The following BRD4 variants were observed in gnomAD, a reference collection of about 807,000 sequenced individuals.
BRD4 encodes bromodomain-containing protein 4.
A neutral mutation model predicts 142.1 loss-of-function variants in BRD4; 16 were observed. That is an observed-to-expected ratio of 0.11 (90% CI 0.08 to 0.17). The LOEUF (loss-of-function observed/expected upper bound fraction) is 0.17. Among genes scored for constraint, BRD4 ranks in the 10% least tolerant of loss-of-function variants. BRD4 has a pLI of 1.00. For missense variants in BRD4, 1,424 were observed against 1,810.9 expected (o/e 0.79, Z 3.88); for synonymous variants, 833 against 707.5 (o/e 1.18, Z -2.82).
Position 15,237,521 on chromosome 19 carries a change from TGAG to T in BRD4, c.*853_*855del, listed in dbSNP as rs888529250. Reference sequence around the variant, plus strand: ...CAGCGCGGTGGCAGCCGCTGCTCAATGAGGAGACGATCACACCATTTCGGAGAT... The same window carrying T: ...CAGCGCGGTGGCAGCCGCTGCTCAATGAGACGATCACACCATTTCGGAGAT... On this transcript the variant is annotated 3_prime_UTR_variant, in exon 20 of 20. Transcript: ENST00000679869. The T allele has an allele frequency of 1.3e-5, 3 of 225,142 alleles. No homozygotes were observed. The highest frequency in any genetic ancestry group is 2.2e-5 in the African/African-American group (1 of 44,468). 13.9% of individuals were successfully genotyped at this position (225,142 alleles called of 1,614,324 possible).
intron 1 of BRD4, among the ~76,000 whole-genome samples, chr19:15,308,558 G>A (rs564928908): frequency 2.1e-4 from 31 of 150,998 alleles, no homozygotes; most frequent in African/African-American, 5.6e-4. Flanking sequence ...CTGCACTCCC[G>A]CCTGGGCAAC....
At chr19:15,307,382 A>T (rs2047923468) in intron 1 of BRD4, among the ~76,000 whole-genome samples, 1 of 152,168 alleles carries the variant, frequency 6.6e-6, no homozygotes, top group Admixed American at 6.5e-5. Flanking sequence ...AGGATCAAAG[A>T]TTAAGCAACC....
At chr19:15,310,679 G>A (rs1050596990) in intron 1 of BRD4, among the ~76,000 whole-genome samples, 10 of 150,978 alleles carry the variant, frequency 6.6e-5, no homozygotes, top group South Asian at 6.3e-4. Context: ...GTTTTTATTA[G>A]AGACGGGGTT....
chr19:15,254,329 G>T, intron 10 of BRD4, 67 bp from the exon 11 acceptor site: 1 of 1,323,086 alleles, frequency 7.6e-7, no homozygotes, highest in Non-Finnish European at 1.1e-6. Flanking sequence ...TAAGCCATGG[G>T]CACACCCCAT....
At chr19:15,267,978 CA>C (rs1044391452) in intron 3 of BRD4, among the ~76,000 whole-genome samples, 30 of 152,334 alleles carry the variant, frequency 2.0e-4, no homozygotes, top group African/African-American at 6.7e-4. Context: ...GGCAGCTCAC[CA>C]GGACTCTGGG....
intron 11 of BRD4, among the ~76,000 whole-genome samples, chr19:15,251,744 G>A (rs1229925412): frequency 6.6e-6 from 1 of 152,212 alleles, no homozygotes; most frequent in Non-Finnish European, 1.5e-5. Context: ...AACCCTCGCA[G>A]CGGCCCCTCC....
At chr19:15,287,461 T>C (rs1360679766) in intron 1 of BRD4, among the ~76,000 whole-genome samples, 1 of 152,160 alleles carries the variant, frequency 6.6e-6, no homozygotes, top group Non-Finnish European at 1.5e-5. Flanking sequence ...CTCAGGCTGG[T>C]CTCAAACTCC....
intron 1 of BRD4, among the ~76,000 whole-genome samples, chr19:15,279,120 C>T (rs926969857): frequency 1.3e-5 from 2 of 151,700 alleles, no homozygotes; most frequent in African/African-American, 2.4e-5. Context: ...GGATTACAGG[C>T]GTGAGCCACC....
chr19:15,326,862 T>C (rs552605289), intron 1 of BRD4, among the ~76,000 whole-genome samples: 5 of 152,334 alleles, frequency 3.3e-5, no homozygotes, highest in South Asian at 2.1e-4. Context: ...TTGAGGTTGG[T>C]AGCCTGTCGA....
At chr19:15,331,844 G>A in intron 1 of BRD4, 2 of 147,146 alleles carry the variant, frequency 1.4e-5, no homozygotes, top group South Asian at 4.2e-4. Context: ...ACCCGGGCCG[G>A]GCGCGCCGCG....
Position 15,255,325 on chromosome 19 carries a change from G to C in BRD4, c.2019C>G (p.Ser673=). Reference sequence around the variant, plus strand: ...GAGGTTTCCTTTTCTTCCGCAAACAGGAGGTGACATAGCGCTCCAGCTCAC... The same window carrying C: ...GAGGTTTCCTTTTCTTCCGCAAACACGAGGTGACATAGCGCTCCAGCTCAC... The part of the protein sequence containing the change: ...TLRELERYVT[S]CLRKKRKPQA... The change falls in exon 10 of 20, where the codon TCC becomes TCG. Residue 673 remains serine, a synonymous_variant. Transcript: ENST00000679869. The C allele has an allele frequency of 6.2e-7, 1 of 1,613,852 alleles. No individual in the cohort carries two copies. Among genetic ancestry groups the C allele is most frequent in the Non-Finnish European group, 8.5e-7 (1 of 1,179,768 alleles).
At chr19:15,319,673 T>C (rs376287144) in intron 1 of BRD4, among the ~76,000 whole-genome samples, 2 of 152,238 alleles carry the variant, frequency 1.3e-5, no homozygotes, top group African/African-American at 4.8e-5. Context: ...TGGCTCCGCC[T>C]GTAATCCCAG....
rs1159804027 is a variant in BRD4 at position 15,269,060 on chromosome 19, A to C, written c.286-18T>G. 6.2e-7 allele frequency: 1 copy of C among 1,613,576 alleles called. No homozygotes were observed. The highest frequency in any genetic ancestry group is 1.1e-5 in the South Asian group (1 of 91,018). ...TAGTAATCCTGGAGAGCAGAGAGCA[A>C]AAGTCCAGTGTCACCTAGGCAGCCA... On this transcript the variant is annotated intron_variant, in intron 2 of 19. Coordinates refer to ENST00000679869, the MANE Select transcript of BRD4 (RefSeq NM_001379291.1).
At position 15,240,022 on chromosome 19, in the gene BRD4, C is replaced by T; in HGVS notation, c.3170G>A (p.Gly1057Asp). 6.2e-7 allele frequency: 1 copy of T among 1,608,422 alleles called. No homozygotes were observed. Among genetic ancestry groups the T allele is most frequent in the South Asian group, 1.1e-5 (1 of 90,278 alleles). ...CGGGGAGGGGGCTTCGCGGAGGTGA[C>T]CTAGGAGAAGGGACAAGGAATGTGT... The part of the protein sequence containing the change: ...RHHKSDPYST[G>D]HLREAPSPLM... The change falls in exon 15 of 20, where the codon GGT (glycine) becomes GAT (aspartate). Residue 1057 changes from glycine to aspartate, a missense_variant and splice_region_variant. Physicochemically the swap from Gly to Asp is moderately conservative, Grantham distance 94. Coordinates refer to ENST00000679869, the MANE Select transcript of BRD4 (RefSeq NM_001379291.1).
chr19:15,311,844 T>A (rs2047973865), intron 1 of BRD4, among the ~76,000 whole-genome samples: 2 of 151,960 alleles, frequency 1.3e-5, no homozygotes, highest in Admixed American at 6.6e-5. Context: ...AAAAATACTG[T>A]CTGATTCTAC....
At chr19:15,257,325 G>C (rs1298272076) in intron 7 of BRD4, 152 bp from the exon 8 acceptor site, 4 of 722,746 alleles carry the variant, frequency 5.5e-6, no homozygotes, top group African/African-American at 1.8e-5. Context: ...CCGAGACAGG[G>C]GCAAGGGCCA....
chr19:15,282,132 T>A (rs1377859077), intron 1 of BRD4, among the ~76,000 whole-genome samples: 1 of 152,224 alleles, frequency 6.6e-6, no homozygotes, highest in Non-Finnish European at 1.5e-5. Flanking sequence ...TTGTCAGCTG[T>A]GCAGGACAAA....
chr19:15,299,022 C>T (rs2047846936), intron 1 of BRD4, among the ~76,000 whole-genome samples: 1 of 152,188 alleles, frequency 6.6e-6, no homozygotes. Flanking sequence ...ATGGTGGCAC[C>T]ACAAACACTT....
intron 3 of BRD4, among the ~76,000 whole-genome samples, 164 bp downstream of exon 3, chr19:15,268,741 A>G (rs1568390416): frequency 6.6e-6 from 1 of 152,024 alleles, no homozygotes; most frequent in Non-Finnish European, 1.5e-5. Context: ...CAGTCACAGG[A>G]ACAACCACAG....
Sources: allele counts gnomAD v4.1 joint callset (sites outside exome capture counted in the v4.1 genomes callset), GRCh38; gene constraint gnomAD v4.1.1; transcripts MANE v1.5; gene names NCBI Gene and HGNC (gene_info 2026-07-23, HGNC 2026-07-21).